Variants in FBLN5 observed in about 807,000 individuals in gnomAD.
The protein encoded by FBLN5 is fibulin-5.
FBLN5 carries 24 observed loss-of-function variants against 61.6 expected under a neutral mutation model. The observed-to-expected ratio is 0.39, with a 90% CI of 0.28 to 0.55. The LOEUF (loss-of-function observed/expected upper bound fraction) is 0.55. FBLN5 is among the 20% of genes least tolerant of loss of function. The pLI is 0.65. For synonymous variants in FBLN5, 213 were observed against 219.8 expected (o/e 0.97, Z 0.27); for missense variants, 470 against 594.1 (o/e 0.79, Z 2.17).
intron 4 of FBLN5, among the ~76,000 whole-genome samples, chr14:91,931,306 C>A (rs929971562): frequency 6.6e-6 from 1 of 152,220 alleles, no homozygotes; most frequent in African/African-American, 2.4e-5. Context: ...ATCTCCCTTC[C>A]TTGTCCACAA....
chr14:91,892,345 C>T (rs1488854019), intron 5 of FBLN5, among the ~76,000 whole-genome samples: 4 of 152,174 alleles, frequency 2.6e-5, no homozygotes, highest in African/African-American at 9.7e-5. Flanking sequence ...CCCAATCTAA[C>T]CAGGTTTCCT....
intron 4 of FBLN5, among the ~76,000 whole-genome samples, chr14:91,919,911 G>A (rs2055705121): frequency 6.6e-6 from 1 of 152,170 alleles, no homozygotes; most frequent in Non-Finnish European, 1.5e-5. Context: ...TAGCAAACTA[G>A]TACATTGTGT....
At chr14:91,906,419 G>C (rs150994383) in intron 4 of FBLN5, among the ~76,000 whole-genome samples, 20 of 152,286 alleles carry the variant, frequency 1.3e-4, no homozygotes, top group Non-Finnish European at 2.4e-4. Context: ...GAGCAAGAGA[G>C]AAAGAGCCCT....
chr14:91,922,688 C>G (rs1416689755), intron 4 of FBLN5, among the ~76,000 whole-genome samples: 1 of 152,186 alleles, frequency 6.6e-6, no homozygotes, highest in African/African-American at 2.4e-5. Context: ...ATGGTGGGAT[C>G]GCTTACATCT....
Position 91,908,035 on chromosome 14 carries a change from G to A in FBLN5, c.380-12963C>T, listed in dbSNP as rs540167935. On this transcript the variant is annotated intron_variant, in intron 4 of 10. Transcript: ENST00000342058. ...ATATTCACTGACACTAAAGGGTTGC[G>A]TCAAGAGTCTGCTCATAAGTGCCTG... 5.3e-5 allele frequency among the ~76,000 whole-genome samples: 8 copies of A among 152,256 alleles called. No individual in the cohort carries two copies. The South Asian group carries it at 6.2e-4, about 12-fold the overall frequency.
At chr14:91,883,485 C>T (rs1237472851) in intron 7 of FBLN5, among the ~76,000 whole-genome samples, 2 of 152,030 alleles carry the variant, frequency 1.3e-5, no homozygotes, top group Non-Finnish European at 2.9e-5. Context: ...AAAAAACATT[C>T]CCTGGCCCTA....
At chr14:91,924,102 T>C (rs2055786679) in intron 4 of FBLN5, among the ~76,000 whole-genome samples, 1 of 152,232 alleles carries the variant, frequency 6.6e-6, no homozygotes. Flanking sequence ...ACGCTAAGCA[T>C]GTGGGAGTTA....
At chr14:91,916,402 G>A (rs188886185) in intron 4 of FBLN5, among the ~76,000 whole-genome samples, 18 of 152,220 alleles carry the variant, frequency 1.2e-4, no homozygotes, top group Admixed American at 7.8e-4. Context: ...AGAGGAGATC[G>A]CACCACTGCA....
At chr14:91,916,656 C>A (rs916776792) in intron 4 of FBLN5, among the ~76,000 whole-genome samples, 3 of 152,064 alleles carry the variant, frequency 2.0e-5, no homozygotes, top group Admixed American at 6.6e-5. Flanking sequence ...AGTGACCATC[C>A]CCCAATGTCA....
Position 91,947,279 on chromosome 14 carries a change from G to C in FBLN5, c.-50C>G. On this transcript the variant is annotated 5_prime_UTR_variant, in exon 1 of 11. Transcript: ENST00000342058. The surrounding 1 kb of genome is among the most constrained non-coding windows in gnomAD (Gnocchi z 4.3). Reference sequence around the variant, plus strand: ...GCGAAGGCGAGAAGAAAGCTCGCGGGCGGGACCCCCGGAGGAGCTCGGGCA... The same window carrying C: ...GCGAAGGCGAGAAGAAAGCTCGCGGCCGGGACCCCCGGAGGAGCTCGGGCA... 1 of 1,613,538 alleles carries C rather than the reference G, an allele frequency of 6.2e-7. No individual in the cohort carries two copies. Among genetic ancestry groups the C allele is most frequent in the South Asian group, 1.1e-5 (1 of 91,050 alleles).
chr14:91,885,934 T>A (rs1390265799), intron 7 of FBLN5, among the ~76,000 whole-genome samples: 1 of 152,264 alleles, frequency 6.6e-6, no homozygotes, highest in Non-Finnish European at 1.5e-5. Context: ...TATTTCTGTT[T>A]CTGGGCCTTG....
intron 10 of FBLN5, among the ~76,000 whole-genome samples, chr14:91,875,863 G>C (rs1889139308): frequency 6.6e-6 from 1 of 152,198 alleles, no homozygotes. Flanking sequence ...TGACGTGAGA[G>C]AATGAGACAA....
chr14:91,919,969 T>C lies in FBLN5; in HGVS notation c.379+16978A>G, dbSNP rs564203007. On this transcript the variant is annotated intron_variant, in intron 4 of 10. Coordinates refer to ENST00000342058, the MANE Select transcript of FBLN5 (RefSeq NM_006329.4). ...CACCTCCCAAGCTTCCAGAGGGAAG[T>C]AGACTGCCTTGTCCTTCTCCCTCCC... 3.9e-5 allele frequency among the ~76,000 whole-genome samples: 6 copies of C among 152,314 alleles called. No individual in the cohort carries two copies. In the South Asian group the frequency reaches 6.2e-4, roughly 16 times the overall value.
rs1451525048 is a variant in FBLN5, at chr14:91,946,721, G to T, written c.17+492C>A. On this transcript the variant is annotated intron_variant, in intron 1 of 10. Coordinates refer to ENST00000342058, the MANE Select transcript of FBLN5 (RefSeq NM_006329.4). ...AAAACATTTGCTTACATGTATCTCT[G>T]TCTGCAGTTCCCACTTCTCATTGGC... 5 of 1,535,438 alleles carry T rather than the reference G, an allele frequency of 3.3e-6. No individual in the cohort carries two copies. In the Middle Eastern group the frequency reaches 5.0e-4, roughly 153 times the overall value.
intron 4 of FBLN5, among the ~76,000 whole-genome samples, chr14:91,917,568 T>G (rs1387445316): frequency 2.3e-5 from 2 of 88,028 alleles, no homozygotes; most frequent in East Asian, 7.2e-4. Context: ...AGAGTGAGAC[T>G]CCATCTCAAA....
At chr14:91,899,388 G>C (rs980581149) in intron 4 of FBLN5, among the ~76,000 whole-genome samples, 1 of 152,182 alleles carries the variant, frequency 6.6e-6, no homozygotes, top group African/African-American at 2.4e-5. Flanking sequence ...CAGATGACCA[G>C]CACCCTGGCA....
At chr14:91,935,149 C>T (rs922185053) in intron 4 of FBLN5, among the ~76,000 whole-genome samples, 2 of 152,214 alleles carry the variant, frequency 1.3e-5, no homozygotes, top group African/African-American at 2.4e-5. Flanking sequence ...CCGCATCTCC[C>T]GTGTGACAGG....
rs895288076 is a variant in FBLN5, at chr14:91,943,211, C to CA, written c.18-251dup. ...TTTTTAATAAAGGGTTTGGCTGCTT[C>CA]AAAAAAAAAAGCTAAGGTCAGGTGC... is the stretch of plus-strand genomic sequence containing the variant. On this transcript the variant is annotated intron_variant, in intron 1 of 10. Coordinates refer to ENST00000342058, the MANE Select transcript of FBLN5 (RefSeq NM_006329.4). This position sits in a 1 kb window ranked among gnomAD's most constrained non-coding sequence, Gnocchi z 4.0. Among the ~76,000 whole-genome samples the CA allele has an allele frequency of 2.3e-4, 34 of 145,628 alleles. No individual in the cohort carries two copies. The highest frequency in any genetic ancestry group is 6.2e-4 in the Admixed American group (9 of 14,628).
At chr14:91,890,423 C>T (rs1889938248) in intron 6 of FBLN5, among the ~76,000 whole-genome samples, 1 of 152,198 alleles carries the variant, frequency 6.6e-6, no homozygotes, top group African/African-American at 2.4e-5. Flanking sequence ...CCAACTCCAA[C>T]CTGGGCCAAG....
Sources: allele counts gnomAD v4.1 joint callset (sites outside exome capture counted in the v4.1 genomes callset), GRCh38; gene constraint gnomAD v4.1.1; non-coding constraint Gnocchi (gnomAD v3.1); transcripts MANE v1.5; gene names NCBI Gene and HGNC (gene_info 2026-07-23, HGNC 2026-07-21).